Variants in AGO2 observed in about 807,000 individuals in gnomAD.
AGO2 encodes protein argonaute-2.
A neutral mutation model predicts 102.3 loss-of-function variants in AGO2; 5 were observed. The observed-to-expected ratio is 0.05, with a 90% CI of 0.03 to 0.10. The LOEUF is 0.10. Ranked by LOEUF, AGO2 falls within the 10% of genes least tolerant of loss-of-function variation. AGO2 has a pLI of 1.00. For synonymous variants in AGO2, 449 were observed against 473.1 expected, an observed-to-expected ratio of 0.95 and a Z score of 0.66; for missense variants, 541 against 1,183.7, an observed-to-expected ratio of 0.46 and a Z score of 7.97.
At chr8:140,594,028 T>G (rs145265219) in intron 1 of AGO2, among the ~76,000 whole-genome samples, 6 of 152,224 alleles carry the variant, frequency 3.9e-5, no homozygotes, top group African/African-American at 1.4e-4. Context: ...TGCCAAGCCC[T>G]GCACTAAGGG....
intron 3 of AGO2, among the ~76,000 whole-genome samples, chr8:140,568,519 G>A (rs548707496): frequency 3.7e-4 from 57 of 152,150 alleles, no homozygotes; most frequent in Non-Finnish European, 6.0e-4. Flanking sequence ...TCCCTGGGGC[G>A]GCAGGAAGAG....
rs536196939 is a variant in AGO2 at position 140,557,543 on chromosome 8, G to A, written c.879-307C>T. ...TGGGCACGACCAGAAAGGCCTGCGC[G>A]TCTTCCAGCAGACCGTGGTGACCCT... is the stretch of plus-strand genomic sequence containing the variant. On this transcript the variant is annotated intron_variant, in intron 7 of 18. Transcript: ENST00000220592. The surrounding 1 kb of genome is among the most constrained non-coding windows in gnomAD (Gnocchi z 5.9). 2.3e-4 allele frequency among the ~76,000 whole-genome samples: 35 copies of A among 152,348 alleles called. No individual in the cohort carries two copies. Among genetic ancestry groups the A allele is most frequent in the African/African-American group, 7.9e-4 (33 of 41,578 alleles).
intron 1 of AGO2, among the ~76,000 whole-genome samples, chr8:140,625,267 G>A (rs1019480838): frequency 9.2e-5 from 14 of 152,104 alleles, no homozygotes; most frequent in African/African-American, 3.4e-4. Context: ...CACCATGCCC[G>A]GCTAATTTTT....
the AGO2 span, among the ~76,000 whole-genome samples, chr8:140,641,266 C>G: frequency 1.3e-5 from 2 of 151,062 alleles, no homozygotes; most frequent in Middle Eastern, 6.8e-3. Context: ...GCGCTCTAGT[C>G]TGGGTGATAG....
At chr8:140,544,388 G>GTGA in intron 13 of AGO2, 85 bp from the exon 14 acceptor site, 2 of 1,110,338 alleles carry the variant, frequency 1.8e-6, no homozygotes, top group Non-Finnish European at 2.6e-6. Flanking sequence ...CCTTTTGGAG[G>GTGA]TGGTCAGTGT....
chr8:140,551,539 C>T, intron 10 of AGO2, 103 bp from the exon 11 acceptor site: 2 of 1,298,552 alleles, frequency 1.5e-6, no homozygotes. Context: ...CCAACAACTG[C>T]TTCTCAGGGA....
the AGO2 span, among the ~76,000 whole-genome samples, chr8:140,642,109 A>G: frequency 6.6e-6 from 1 of 152,214 alleles, no homozygotes; most frequent in African/African-American, 2.4e-5. Flanking sequence ...AGAACAAATG[A>G]AAATAAAGAT....
chr8:140,580,226 C>A (rs2073535061), intron 2 of AGO2, among the ~76,000 whole-genome samples: 1 of 152,240 alleles, frequency 6.6e-6, no homozygotes, highest in African/African-American at 2.4e-5. Context: ...CCCCGGCAGC[C>A]CCGGGAAAGG....
Position 140,635,601 on chromosome 8 carries a change from G to T in AGO2, c.-95C>A. ...GCCGCGAGGGAGCCGCCGGCCGCAC[G>T]ATCCGCCCCGGCGCGGCCGCCTCGC... On this transcript the variant is annotated 5_prime_UTR_variant, in exon 1 of 19. Transcript: ENST00000220592. 4 of 874,524 alleles carry T rather than the reference G, an allele frequency of 4.6e-6. No individual in the cohort carries two copies. Among genetic ancestry groups the T allele is most frequent in the Non-Finnish European group, 4.1e-6 (3 of 731,724 alleles). 54.2% of individuals were successfully genotyped at this position (874,524 alleles called of 1,614,324 possible).
chr8:140,571,808 C>T (rs544986808), intron 3 of AGO2, among the ~76,000 whole-genome samples: 124 of 152,288 alleles, frequency 8.1e-4, no homozygotes, highest in African/African-American at 2.7e-3. Context: ...TGCAGTGGCA[C>T]GATATCAGCT....
At chr8:140,570,519 T>C (rs1487115595) in intron 3 of AGO2, among the ~76,000 whole-genome samples, 1 of 152,164 alleles carries the variant, frequency 6.6e-6, no homozygotes, top group Non-Finnish European at 1.5e-5. Flanking sequence ...CATGAGCCAC[T>C]GCACCTAGCC....
intron 3 of AGO2, among the ~76,000 whole-genome samples, chr8:140,564,451 G>A (rs1015829119): frequency 6.6e-5 from 10 of 152,266 alleles, no homozygotes; most frequent in African/African-American, 1.7e-4. Context: ...TTGGAACTAC[G>A]CAAGCGGAGT....
chr8:140,556,346 G>C, intron 8 of AGO2, 60 bp from the exon 9 acceptor site: 2 of 1,596,612 alleles, frequency 1.3e-6, no homozygotes, highest in Non-Finnish European at 1.7e-6. Context: ...AGGGGAGCAG[G>C]CAGGGGGCTC....
chr8:140,579,988 C>A (rs1189497945), intron 2 of AGO2, among the ~76,000 whole-genome samples: 1 of 152,264 alleles, frequency 6.6e-6, no homozygotes, highest in African/African-American at 2.4e-5. Context: ...GGAAGAGGGG[C>A]AGGGGAAGGG....
At chr8:140,609,712 A>G (rs975536853) in intron 1 of AGO2, among the ~76,000 whole-genome samples, 3 of 152,324 alleles carry the variant, frequency 2.0e-5, no homozygotes, top group Admixed American at 6.5e-5. Context: ...AGCATCTAGA[A>G]GAAGGCCCAG....
chr8:140,552,739 C>CGCGT (rs1564082260), intron 10 of AGO2, among the ~76,000 whole-genome samples: 1 of 73,106 alleles, frequency 1.4e-5, no homozygotes, highest in Admixed American at 1.4e-4. Context: ...CGCGCGCGCG[C>CGCGT]GCACACACAC....
chr8:140,612,359 A>C, intron 1 of AGO2, among the ~76,000 whole-genome samples: 1 of 151,640 alleles, frequency 6.6e-6, no homozygotes, highest in South Asian at 2.1e-4. Context: ...TCTGTGAGCT[A>C]GTGTGTTCCA....
rs1396052127 is a variant in AGO2 at position 140,560,894 on chromosome 8, AT to A, written c.519-385del. On this transcript the variant is annotated intron_variant, in intron 4 of 18. Coordinates refer to ENST00000220592, the MANE Select transcript of AGO2 (RefSeq NM_012154.5). ...GCCTGTGTCCCCAAGCGCAGATAGA[AT>A]TGGGCACCTGCCAAGTGCCAGCCCC... Among the ~76,000 whole-genome samples the A allele has an allele frequency of 2.0e-5, 3 of 152,214 alleles. No individual in the cohort carries two copies. The East Asian group carries it at 5.8e-4, about 29-fold the overall frequency.
At chr8:140,636,369 A>G (rs1195785013), upstream of AGO2, 1 of 152,084 alleles carries the variant, frequency 6.6e-6, no homozygotes, top group Admixed American at 6.5e-5. Context: ...ACCGTCGTGC[A>G]CCTCCGAGCG....
Sources: allele counts gnomAD v4.1 joint callset (sites outside exome capture counted in the v4.1 genomes callset), GRCh38; gene constraint gnomAD v4.1.1; non-coding constraint Gnocchi (gnomAD v3.1); transcripts MANE v1.5; gene names NCBI Gene and HGNC (gene_info 2026-07-23, HGNC 2026-07-21).